The following SGCZ variants were observed in gnomAD, a reference collection of about 807,000 sequenced individuals.
SGCZ encodes zeta-sarcoglycan.
Under a neutral mutation model 41.3 loss-of-function variants are expected in SGCZ, and 40 were observed. The ratio of observed to expected loss-of-function variants is 0.97; its 90% CI spans 0.75 to 1.26. The LOEUF (loss-of-function observed/expected upper bound fraction) is 1.26. Among genes scored for constraint, SGCZ ranks in the 50% most tolerant of loss-of-function variants. The probability of loss-of-function intolerance (pLI) is 0.00; values close to 1 mark genes in which losing one functional copy is unlikely to be tolerated. For missense variants in SGCZ, 552 were observed against 369.8 expected (o/e 1.49, Z -4.04); for synonymous variants, 206 against 137.5 (o/e 1.50, Z -3.49).
chr8:14,699,590 T>C (rs1809071190), intron 1 of SGCZ, among the ~76,000 whole-genome samples: 1 of 151,788 alleles, frequency 6.6e-6, no homozygotes, highest in South Asian at 2.1e-4. Flanking sequence ...CCAAAAGCAA[T>C]TGCAGCAAAA....
chr8:14,582,614 C>A (rs1266822993), intron 1 of SGCZ, among the ~76,000 whole-genome samples: 3 of 149,654 alleles, frequency 2.0e-5, no homozygotes, highest in East Asian at 4.0e-4. Context: ...CCCATTAACT[C>A]GTCATTTAGC....
chr8:14,218,817 T>G (rs1188744907), intron 4 of SGCZ, among the ~76,000 whole-genome samples: 1 of 152,200 alleles, frequency 6.6e-6, no homozygotes, highest in Non-Finnish European at 1.5e-5. Flanking sequence ...ATGTACAGTG[T>G]TGTGGTGGTC....
chr8:14,477,401 A>G lies in SGCZ; in HGVS notation c.234+77331T>C, dbSNP rs189195606. Among the ~76,000 whole-genome samples the G allele has an allele frequency of 5.9e-5, 9 of 152,200 alleles. No homozygotes were observed. In the East Asian group the frequency reaches 1.7e-3, roughly 29 times the overall value. Reference sequence around the variant, plus strand: ...TTCTTCACTGAAATTTGCTACCTATATTTTTATACTTCTTACCACTGTGAG... The same window carrying G: ...TTCTTCACTGAAATTTGCTACCTATGTTTTTATACTTCTTACCACTGTGAG... On this transcript the variant is annotated intron_variant, in intron 2 of 7. Transcript: ENST00000382080.
Position 14,653,437 on chromosome 8 carries a change from T to C in SGCZ, c.40-98511A>G, listed in dbSNP as rs111256837. Among the ~76,000 whole-genome samples, 165 of 152,274 alleles carry C rather than the reference T, an allele frequency of 1.1e-3. 1 individual carries two copies. Among genetic ancestry groups the C allele is most frequent in the African/African-American group, 3.8e-3 (157 of 41,544 alleles). ...CTTAGCCCATATATTTTGTAGTTTA[T>C]TTCTTACTACAAGATAGCTTAGCCT... is the stretch of plus-strand genomic sequence containing the variant. On this transcript the variant is annotated intron_variant, in intron 1 of 7. Transcript: ENST00000382080.
intron 1 of SGCZ, among the ~76,000 whole-genome samples, chr8:14,984,301 A>G (rs1335587869): frequency 6.6e-6 from 1 of 152,176 alleles, no homozygotes; most frequent in Non-Finnish European, 1.5e-5. Flanking sequence ...CATAACAGCA[A>G]TTCTATTATT....
At chr8:14,511,537 T>C (rs776118912) in intron 2 of SGCZ, among the ~76,000 whole-genome samples, 7 of 151,964 alleles carry the variant, frequency 4.6e-5, no homozygotes, top group African/African-American at 7.2e-5. Context: ...AAGATTCCAA[T>C]GGAAGGATAG....
At chr8:15,108,633 A>C (rs1326371672) in intron 1 of SGCZ, among the ~76,000 whole-genome samples, 3 of 152,208 alleles carry the variant, frequency 2.0e-5, no homozygotes, top group Non-Finnish European at 4.4e-5. Context: ...TTTAAATTCT[A>C]GCCCCAGAGC....
chr8:14,314,082 A>T (rs1037117252), intron 3 of SGCZ, among the ~76,000 whole-genome samples: 1 of 152,084 alleles, frequency 6.6e-6, no homozygotes, highest in African/African-American at 2.4e-5. Context: ...GAGAGACCTC[A>T]CCAGTGACAT....
intron 1 of SGCZ, among the ~76,000 whole-genome samples, chr8:15,106,001 A>G (rs1322340994): frequency 1.3e-5 from 2 of 152,184 alleles, no homozygotes; most frequent in Non-Finnish European, 2.9e-5. Context: ...TATCTGGACT[A>G]TCTTGACTAG....
chr8:14,845,606 T>C (rs1467943759), intron 1 of SGCZ, among the ~76,000 whole-genome samples: 1 of 152,168 alleles, frequency 6.6e-6, no homozygotes, highest in African/African-American at 2.4e-5. Context: ...TAACTTTATA[T>C]GTTGTAAAAT....
At chr8:14,941,352 A>G (rs997600878) in intron 1 of SGCZ, among the ~76,000 whole-genome samples, 2 of 152,162 alleles carry the variant, frequency 1.3e-5, no homozygotes, top group Non-Finnish European at 2.9e-5. Context: ...TGCAGTGTCA[A>G]TGTTTACCAC....
At chr8:14,287,286 G>T (rs1404866110) in intron 3 of SGCZ, among the ~76,000 whole-genome samples, 1 of 151,688 alleles carries the variant, frequency 6.6e-6, no homozygotes, top group Non-Finnish European at 1.5e-5. Flanking sequence ...AGGCGAAAAG[G>T]TGGGTCATTT....
intron 2 of SGCZ, among the ~76,000 whole-genome samples, chr8:14,356,603 C>T (rs951883175): frequency 1.1e-4 from 17 of 151,616 alleles, no homozygotes; most frequent in African/African-American, 4.1e-4. Flanking sequence ...CCTTTTTAGC[C>T]CAATATAATA....
At chr8:14,855,894 A>T (rs555400443) in intron 1 of SGCZ, among the ~76,000 whole-genome samples, 1 of 152,258 alleles carries the variant, frequency 6.6e-6, no homozygotes, top group African/African-American at 2.4e-5. Context: ...TTGAGATAAG[A>T]CCACAAAAGG....
intron 1 of SGCZ, among the ~76,000 whole-genome samples, chr8:14,555,397 A>T (rs992393141): frequency 9.2e-5 from 14 of 151,870 alleles, no homozygotes; most frequent in Admixed American, 2.0e-4. Flanking sequence ...CTGGTAATAG[A>T]GTTCTCATGG....
intron 2 of SGCZ, among the ~76,000 whole-genome samples, chr8:14,503,628 C>G (rs969870951): frequency 6.6e-6 from 1 of 151,876 alleles, no homozygotes; most frequent in African/African-American, 2.4e-5. Flanking sequence ...ATTAGCTGGG[C>G]GTGGTGGCCT....
intron 1 of SGCZ, among the ~76,000 whole-genome samples, chr8:14,831,604 G>GTGTGTGTGTGTGTACACATAGACACATA (rs1802529217): frequency 1.3e-5 from 2 of 149,104 alleles, no homozygotes; most frequent in Non-Finnish European, 3.0e-5. Context: ...GTGTTTGTGT[G>GTGTGTGTGTGTGTACACATAGACACATA]TGTGTGTGTG....
chr8:14,845,108 C>T (rs1376748857), intron 1 of SGCZ, among the ~76,000 whole-genome samples: 1 of 152,056 alleles, frequency 6.6e-6, no homozygotes, highest in East Asian at 1.9e-4. Flanking sequence ...TAAAGAAAAC[C>T]ACTGAAGGAC....
chr8:14,121,867 G>T (rs1802706667), intron 5 of SGCZ, among the ~76,000 whole-genome samples: 1 of 152,162 alleles, frequency 6.6e-6, no homozygotes, highest in African/African-American at 2.4e-5. Flanking sequence ...AAAAGACTAT[G>T]TAGGTTTTTT....
Sources: gnomAD v4.1 joint callset for allele counts (sites outside exome capture counted in the v4.1 genomes callset) on GRCh38, gnomAD v4.1.1 for gene constraint, MANE v1.5 for transcripts, NCBI Gene and HGNC (gene_info 2026-07-23, HGNC 2026-07-21) for gene names.